Variants in DPY19L2 observed in about 807,000 individuals in gnomAD.
DPY19L2 encodes dpy-19 like 2.
DPY19L2 carries 34 observed loss-of-function variants against 97.9 expected under a neutral mutation model. The ratio of observed to expected loss-of-function variants is 0.35; its 90% CI spans 0.26 to 0.46. DPY19L2 has a LOEUF of 0.46. Among genes scored for constraint, DPY19L2 ranks in the 20% least tolerant of loss-of-function variants. The probability of loss-of-function intolerance (pLI) is 1.00; values close to 1 mark genes in which losing one functional copy is unlikely to be tolerated. For synonymous variants in DPY19L2, 230 were observed against 307.9 expected (o/e 0.75, Z 2.65); for missense variants, 623 against 911.4 (o/e 0.68, Z 4.07).
intron 16 of DPY19L2, among the ~76,000 whole-genome samples, chr12:63,591,393 A>G (rs1304207672): frequency 2.0e-5 from 3 of 152,204 alleles, no homozygotes; most frequent in Non-Finnish European, 4.4e-5. Context: ...AATTACTATT[A>G]GGTACTATGC....
chr12:63,633,505 C>T (rs1891090015), intron 6 of DPY19L2, among the ~76,000 whole-genome samples: 2 of 152,086 alleles, frequency 1.3e-5, no homozygotes, highest in Non-Finnish European at 2.9e-5. Flanking sequence ...AAATGAAAAC[C>T]ACAATGAGAT....
At chr12:63,578,565 T>G (rs1880303176) in intron 19 of DPY19L2, among the ~76,000 whole-genome samples, 1 of 152,152 alleles carries the variant, frequency 6.6e-6, no homozygotes, top group African/African-American at 2.4e-5. Flanking sequence ...ATATCCCATC[T>G]ACCCCATAAA....
chr12:63,598,707 C>A (rs1411226046), intron 13 of DPY19L2, among the ~76,000 whole-genome samples: 1 of 151,898 alleles, frequency 6.6e-6, no homozygotes, highest in South Asian at 2.1e-4. Context: ...TTTTCCTAAT[C>A]TACCAGTACT....
intron 12 of DPY19L2, among the ~76,000 whole-genome samples, chr12:63,602,100 G>A (rs1263972948): frequency 1.3e-5 from 2 of 151,968 alleles, no homozygotes; most frequent in Admixed American, 6.5e-5. Context: ...AGAATATTAT[G>A]CAGAATTAAA....
At position 63,665,842 on chromosome 12, in the gene DPY19L2, A is replaced by G. The variant is rs1224514249; in HGVS notation, c.355T>C (p.Leu119=). The change falls in exon 2 of 22, where the codon TTA becomes CTA. Residue 119 remains leucine (L), a synonymous_variant. Transcript: ENST00000324472. ...ACTGAAACTAAATCTTACCAATGTA[A>G]AATTGCCACAAAGACAGCTGGAATA... The part of the protein sequence containing the change: ...TLGIAVFVAI[L]HWLHLVTLFE... 1.3e-6 allele frequency: 2 copies of G among 1,584,934 alleles called. No individual in the cohort carries two copies. The highest frequency in any genetic ancestry group is 1.7e-6 in the Non-Finnish European group (2 of 1,164,198).
intron 7 of DPY19L2, among the ~76,000 whole-genome samples, chr12:63,625,033 T>C (rs1889298183): frequency 6.6e-6 from 1 of 152,192 alleles, no homozygotes; most frequent in Non-Finnish European, 1.5e-5. Flanking sequence ...ATAAGGATTT[T>C]ATGTATAATT....
At chr12:63,564,331 T>TA in intron 21 of DPY19L2, among the ~76,000 whole-genome samples, 1 of 152,234 alleles carries the variant, frequency 6.6e-6, no homozygotes, top group African/African-American at 2.4e-5. Context: ...GAGTGACTGA[T>TA]ATGAGGCCTT....
rs1896556582 is a variant in DPY19L2, at chr12:63,668,182, T to C, written c.212A>G (p.Glu71Gly). 1 of 1,613,906 alleles carries C rather than the reference T, an allele frequency of 6.2e-7. No individual in the cohort carries two copies. Among genetic ancestry groups the C allele is most frequent in the Non-Finnish European group, 8.5e-7 (1 of 1,179,964 alleles). Residue 71 changes from glutamate (E) to glycine (G), a missense_variant, in exon 1 of 22, where the codon GAG becomes GGG. Around this residue, in one of 6 missense-constraint regions of DPY19L2, gnomAD observed 144 missense variants for 119.4 expected, o/e 1.21. Coordinates refer to ENST00000324472, the MANE Select transcript of DPY19L2 (RefSeq NM_173812.5). ...SLKERKGLELEVVAKTFLLGP... is the reference protein window; with the variant it reads ...SLKERKGLELGVVAKTFLLGP... ...GAGAAGAAAGGTCTTGGCCACCACCTCTAGCTCCAAGCCTTTTCGCTCTTT... is the reference window on the plus strand; with the variant it reads ...GAGAAGAAAGGTCTTGGCCACCACCCCTAGCTCCAAGCCTTTTCGCTCTTT...
rs548471524 is a variant in DPY19L2 at position 63,644,581 on chromosome 12, A to T, written c.710-85T>A. ...ATAATTATCTCAGTGCTTTGCAATC[A>T]AGAGCTCATGAATTTGCTGAAAGCA... On this transcript the variant is annotated intron_variant, in intron 5 of 21. Coordinates refer to ENST00000324472, the MANE Select transcript of DPY19L2 (RefSeq NM_173812.5). 6 of 1,528,992 alleles carry T rather than the reference A, an allele frequency of 3.9e-6. No individual in the cohort carries two copies. The African/African-American group carries it at 8.3e-5, about 21-fold the overall frequency. The allele number at this position is 1,528,992 out of a possible 1,614,324, so 94.7% of individuals were successfully genotyped here. A position where few individuals can be genotyped will look rare whatever the true frequency, so the allele number is the denominator to read the frequency against.
intron 19 of DPY19L2, among the ~76,000 whole-genome samples, chr12:63,579,024 C>A (rs1451466990): frequency 1.3e-5 from 2 of 152,112 alleles, no homozygotes; most frequent in Non-Finnish European, 2.9e-5. Flanking sequence ...ACTAGGCACA[C>A]CTGTCCAGCA....
chr12:63,591,962 AAAAGAAAAG>A (rs1242992427), intron 16 of DPY19L2, among the ~76,000 whole-genome samples: 2 of 108,514 alleles, frequency 1.8e-5, no homozygotes, highest in African/African-American at 7.4e-5. Flanking sequence ...AAAAGAAAAG[AAAAGAAAAG>A]AAAAGAGGGG....
chr12:63,610,876 C>CA lies in DPY19L2; in HGVS notation c.1219-2202_1219-2201insT, dbSNP rs1555195819. On this transcript the variant is annotated intron_variant, in intron 11 of 21. Coordinates refer to ENST00000324472, the MANE Select transcript of DPY19L2 (RefSeq NM_173812.5). The stretch of plus-strand genomic sequence containing the variant: ...AAAAAAAAAAAAAAAAAAAAAAAAA[C>CA]CACACACACACACAAATATTTCTTT... 3.7e-4 allele frequency among the ~76,000 whole-genome samples: 11 copies of CA among 29,692 alleles called. 1 individual carries two copies. The East Asian group carries it at 9.6e-3, about 26-fold the overall frequency. 19.5% of individuals were successfully genotyped at this position (29,692 alleles called of 152,430 possible). A position where few individuals can be genotyped will look rare whatever the true frequency, so the allele number is the denominator to read the frequency against.
chr12:63,651,057 C>G (rs1894151595), intron 4 of DPY19L2, among the ~76,000 whole-genome samples: 1 of 152,100 alleles, frequency 6.6e-6, no homozygotes, highest in Admixed American at 6.5e-5. Flanking sequence ...AAAACACACA[C>G]ATAGACCAAT....
upstream of DPY19L2, chr12:63,668,634 C>T: frequency 1.9e-6 from 1 of 527,070 alleles, no homozygotes; most frequent in Non-Finnish European, 3.4e-6. Flanking sequence ...GCACCCCCGC[C>T]TCTGCGCTTC....
intron 6 of DPY19L2, among the ~76,000 whole-genome samples, chr12:63,643,147 C>A: frequency 6.6e-6 from 1 of 151,936 alleles, no homozygotes; most frequent in East Asian, 1.9e-4. Flanking sequence ...ATTGCAAATA[C>A]TGTATCCATA....
intron 15 of DPY19L2, among the ~76,000 whole-genome samples, chr12:63,595,428 G>A (rs920474795): frequency 3.9e-5 from 6 of 152,020 alleles, no homozygotes; most frequent in Non-Finnish European, 5.9e-5. Context: ...TCATTGAGAT[G>A]TTCTTTTCTT....
chr12:63,579,194 T>C (rs1049805933), intron 19 of DPY19L2, among the ~76,000 whole-genome samples: 6 of 152,172 alleles, frequency 3.9e-5, no homozygotes, highest in Non-Finnish European at 8.8e-5. Flanking sequence ...TAGCCTACTA[T>C]ACAGATTAGA....
At chr12:63,600,695 A>G (rs1171484008) in intron 12 of DPY19L2, among the ~76,000 whole-genome samples, 1 of 150,210 alleles carries the variant, frequency 6.7e-6, no homozygotes, top group East Asian at 1.9e-4. Context: ...AGCTCCCCGT[A>G]CAGAGACAGA....
chr12:63,655,894 C>T (rs1894904738), intron 4 of DPY19L2, among the ~76,000 whole-genome samples: 1 of 152,142 alleles, frequency 6.6e-6, no homozygotes, highest in Non-Finnish European at 1.5e-5. Context: ...AATACCCTTG[C>T]TAACCCATAC....
Sources: allele counts gnomAD v4.1 joint callset (sites outside exome capture counted in the v4.1 genomes callset), GRCh38; gene constraint gnomAD v4.1.1; regional missense constraint gnomAD v4.1.1; transcripts MANE v1.5; gene names NCBI Gene and HGNC (gene_info 2026-07-23, HGNC 2026-07-21).